LIMCH1: variants seen among roughly 807,000 people sequenced by gnomAD.
The protein encoded by LIMCH1 is LIM and calponin homology domains-containing protein 1.
Under a neutral mutation model 176.5 loss-of-function variants are expected in LIMCH1, and 113 were observed. The ratio of observed to expected loss-of-function variants is 0.64; its 90% CI spans 0.55 to 0.75. The LOEUF (loss-of-function observed/expected upper bound fraction) is 0.75. LIMCH1 is among the 30% of genes least tolerant of loss of function. LIMCH1 has a pLI of 0.00. For missense variants in LIMCH1, 1,674 were observed against 1,814.9 expected, an observed-to-expected ratio of 0.92 and a Z score of 1.41; for synonymous variants, 619 against 645.9, an observed-to-expected ratio of 0.96 and a Z score of 0.63.
chr4:41,470,158 C>T (rs758686549), intron 1 of LIMCH1, among the ~76,000 whole-genome samples: 8 of 152,186 alleles, frequency 5.3e-5, no homozygotes, highest in Non-Finnish European at 1.2e-4. Flanking sequence ...ACCATCCTCA[C>T]TCTTCACCTT....
chr4:41,559,307 T>C (rs1265083834), intron 1 of LIMCH1, among the ~76,000 whole-genome samples: 1 of 152,076 alleles, frequency 6.6e-6, no homozygotes, highest in Non-Finnish European at 1.5e-5. Flanking sequence ...TGTGTCCTGT[T>C]CTCTTTCCCA....
At chr4:41,531,513 C>CACAA (rs1554086952) in intron 3 of LIMCH1, among the ~76,000 whole-genome samples, 3 of 103,912 alleles carry the variant, frequency 2.9e-5, no homozygotes, top group African/African-American at 1.5e-4. Flanking sequence ...CACACACACA[C>CACAA]ACATACACAC....
intron 1 of LIMCH1, among the ~76,000 whole-genome samples, chr4:41,392,987 G>A (rs771304903): frequency 5.9e-5 from 9 of 152,234 alleles, no homozygotes; most frequent in Admixed American, 3.9e-4. Flanking sequence ...CCAAGATCGC[G>A]CCGCTGCACT....
At chr4:41,645,976 T>C (rs537048912) in intron 15 of LIMCH1, 147 bp from the exon 16 acceptor site, 2 of 752,460 alleles carry the variant, frequency 2.7e-6, no homozygotes, top group South Asian at 2.3e-5. Context: ...CAGACTTACA[T>C]TGGATTGTGT....
At chr4:41,685,684 C>T in intron 27 of LIMCH1, 26 bp from the exon 28 acceptor site, 1 of 1,612,604 alleles carries the variant, frequency 6.2e-7, no homozygotes, top group Non-Finnish European at 8.5e-7. Flanking sequence ...CTGTGCACTA[C>T]ATTTATGTTC....
intron 17 of LIMCH1, among the ~76,000 whole-genome samples, chr4:41,648,755 G>C (rs529385131): frequency 6.8e-6 from 1 of 148,068 alleles, no homozygotes; most frequent in Non-Finnish European, 1.5e-5. Context: ...CAGTACAACA[G>C]AATTAAGAAT....
chr4:41,680,258 G>A (rs1264039806), intron 24 of LIMCH1, among the ~76,000 whole-genome samples, 160 bp downstream of exon 24: 1 of 152,170 alleles, frequency 6.6e-6, no homozygotes, highest in Non-Finnish European at 1.5e-5. Context: ...TGTCATTTAG[G>A]TTCTAAAAGA....
intron 7 of LIMCH1, among the ~76,000 whole-genome samples, chr4:41,624,872 T>C (rs1414692981): frequency 2.0e-5 from 3 of 152,140 alleles, no homozygotes; most frequent in Non-Finnish European, 2.9e-5. Context: ...GAGTCCGTAA[T>C]CCCTCCTACC....
intron 1 of LIMCH1, among the ~76,000 whole-genome samples, chr4:41,376,452 T>C (rs2054789657): frequency 6.6e-6 from 1 of 152,214 alleles, no homozygotes; most frequent in African/African-American, 2.4e-5. Flanking sequence ...CAGTTATGGA[T>C]AGCTTTGATA....
chr4:41,628,852 C>A (rs935589222), intron 8 of LIMCH1, among the ~76,000 whole-genome samples: 3 of 152,132 alleles, frequency 2.0e-5, no homozygotes, highest in Non-Finnish European at 4.4e-5. Context: ...CCTGTCAATC[C>A]AGGTAAAGAG....
rs2093025359 is a variant in LIMCH1, at chr4:41,627,214, G to A, written c.1028+204G>A. On this transcript the variant is annotated intron_variant, in intron 8 of 31. Transcript: ENST00000503057. The stretch of plus-strand genomic sequence containing the variant: ...TATTCAATCTCCCTTAAATGCAGAT[G>A]GCAGACAGTAGAGTGTCCATGTCCA... 4.6e-5 allele frequency among the ~76,000 whole-genome samples: 7 copies of A among 152,252 alleles called. No individual in the cohort carries two copies. In the South Asian group the frequency reaches 1.5e-3, roughly 32 times the overall value.
At chr4:41,624,726 T>C (rs2092826391) in intron 7 of LIMCH1, among the ~76,000 whole-genome samples, 1 of 152,076 alleles carries the variant, frequency 6.6e-6, no homozygotes, top group South Asian at 2.1e-4. Flanking sequence ...ACCTGGTTGC[T>C]TATGCATTGC....
chr4:41,623,941 A>T (rs943674186), intron 7 of LIMCH1, among the ~76,000 whole-genome samples: 4 of 152,236 alleles, frequency 2.6e-5, no homozygotes, highest in Non-Finnish European at 5.9e-5. Context: ...TAGAGTTTCC[A>T]CTGAAGGGAA....
chr4:41,360,030 T>TGTGTGA (rs1554010775), upstream of LIMCH1, among the ~76,000 whole-genome samples: 6 of 103,236 alleles, frequency 5.8e-5, no homozygotes, highest in African/African-American at 1.8e-4. The surrounding 1 kb of genome is among the most constrained non-coding windows in gnomAD (Gnocchi z 4.5). Context: ...GTGTAGGGTG[T>TGTGTGA]GTGTGTGTGT....
chr4:41,568,322 A>G (rs1465068151), intron 1 of LIMCH1, among the ~76,000 whole-genome samples: 1 of 152,202 alleles, frequency 6.6e-6, no homozygotes, highest in Non-Finnish European at 1.5e-5. Context: ...GTAATCTGAA[A>G]ATAATTTTAA....
At chr4:41,669,050 G>T (rs140144775) in intron 21 of LIMCH1, among the ~76,000 whole-genome samples, 2 of 152,124 alleles carry the variant, frequency 1.3e-5, no homozygotes, top group South Asian at 4.1e-4. Flanking sequence ...TAGCCAAACC[G>T]TATGAATACT....
chr4:41,531,757 AG>A (rs2077344049), intron 3 of LIMCH1, among the ~76,000 whole-genome samples: 1 of 152,152 alleles, frequency 6.6e-6, no homozygotes, highest in Admixed American at 6.5e-5. Context: ...CTTCATGGGT[AG>A]GGGAGAAGGA....
rs560596908 is a variant in LIMCH1, at chr4:41,460,807, G to T, written c.97-33729G>T. On this transcript the variant is annotated intron_variant, in intron 1 of 26. Coordinates refer to the LIMCH1 transcript ENST00000313860. ...TTTTATTTCAGTGGGTGTAGTTGAC[G>T]GATGTTCAGAGCCAGAGCGCCATGC... Among the ~76,000 whole-genome samples the T allele has an allele frequency of 1.3e-3, 200 of 152,140 alleles. 6 individuals carry two copies. The South Asian group carries it at 0.039, about 30-fold the overall frequency.
intron 3 of LIMCH1, among the ~76,000 whole-genome samples, chr4:41,604,727 T>C (rs1271967927): frequency 4.6e-5 from 7 of 152,162 alleles, no homozygotes. Flanking sequence ...TTTATGGTCC[T>C]AGTTAATGTC....
Sources: allele counts gnomAD v4.1 joint callset (sites outside exome capture counted in the v4.1 genomes callset), GRCh38; gene constraint gnomAD v4.1.1; non-coding constraint Gnocchi (gnomAD v3.1); transcripts MANE v1.5; gene names NCBI Gene and HGNC (gene_info 2026-07-23, HGNC 2026-07-21).